Variants in BEAN1 observed in about 807,000 individuals in gnomAD.
The protein encoded by BEAN1 is brain expressed associated with NEDD4 1.
A neutral mutation model predicts 17.7 loss-of-function variants in BEAN1; 17 were observed. That is an observed-to-expected ratio of 0.96 (90% CI 0.66 to 1.44). The LOEUF (loss-of-function observed/expected upper bound fraction) is 1.44, where lower values mean the gene tolerates loss of function less well. BEAN1 is among the 40% of genes most tolerant of loss of function. The pLI is 0.00. For synonymous variants in BEAN1, 142 were observed against 151.8 expected, an observed-to-expected ratio of 0.94 and a Z score of 0.47; for missense variants, 359 against 374.1, an observed-to-expected ratio of 0.96 and a Z score of 0.33.
At chr16:66,484,260 T>C (rs1019426465), downstream of BEAN1, 2 of 293,966 alleles carry the variant, frequency 6.8e-6, no homozygotes, top group Non-Finnish European at 1.3e-5. The surrounding 1 kb of genome is among the most constrained non-coding windows in gnomAD (Gnocchi z 4.2). Context: ...CTCCACCTCC[T>C]GGGAATGAAT....
rs189988200 is a variant in BEAN1, at chr16:66,491,182, A to C, written c.148-1780A>C. On this transcript the variant is annotated intron_variant, in intron 4 of 4. Coordinates refer to the BEAN1 transcript ENST00000561796. ...GCAAGCAGCCCTCACCCACAGGGCCAGGTGGCTCCTGGGCAGGAGGGCCCC... is the reference window on the plus strand; with the variant it reads ...GCAAGCAGCCCTCACCCACAGGGCCCGGTGGCTCCTGGGCAGGAGGGCCCC... 2.6e-5 allele frequency among the ~76,000 whole-genome samples: 4 copies of C among 152,310 alleles called. No homozygotes were observed. In the East Asian group the frequency reaches 7.7e-4, roughly 29 times the overall value.
chr16:66,444,406 G>T (rs1338121989), intron 2 of BEAN1, among the ~76,000 whole-genome samples: 1 of 152,190 alleles, frequency 6.6e-6, no homozygotes, highest in Non-Finnish European at 1.5e-5. Flanking sequence ...CTTTGAGGCT[G>T]CAGGTGGAGC....
intron 3 of BEAN1, among the ~76,000 whole-genome samples, chr16:66,476,980 T>C (rs1963774199): frequency 6.6e-6 from 1 of 152,140 alleles, no homozygotes; most frequent in African/African-American, 2.4e-5. Flanking sequence ...GTGGGAGGGC[T>C]GATCCCAGAG....
rs539097074 is a variant in BEAN1, at chr16:66,434,687, G to A, written c.-82-2908G>A. 7.9e-5 allele frequency among the ~76,000 whole-genome samples: 12 copies of A among 152,182 alleles called. No homozygotes were observed. The highest frequency in any genetic ancestry group is 1.5e-4 in the Non-Finnish European group (10 of 68,004). On this transcript the variant is annotated intron_variant, in intron 1 of 4. Transcript: ENST00000536005. This position sits in a 1 kb window ranked among gnomAD's most constrained non-coding sequence, Gnocchi z 4.3. ...GCAGGAGGCAGGGAGTGGCAGCCCG[G>A]GTTACTGTTGGCATCGTGGTCACCA...
chr16:66,463,946 G>C (rs898745700), intron 2 of BEAN1, among the ~76,000 whole-genome samples: 4 of 152,074 alleles, frequency 2.6e-5, no homozygotes, highest in African/African-American at 9.7e-5. Context: ...TAAATATGAG[G>C]GTCTGTTTCT....
At chr16:66,455,501 A>G (rs1387904125) in intron 2 of BEAN1, among the ~76,000 whole-genome samples, 1 of 152,106 alleles carries the variant, frequency 6.6e-6, no homozygotes, top group Admixed American at 6.5e-5. Context: ...CTGGAGGCCA[A>G]AGCAAAACAG....
At chr16:66,486,867 G>C (rs961923764), downstream of BEAN1, among the ~76,000 whole-genome samples, 3 of 152,194 alleles carry the variant, frequency 2.0e-5, no homozygotes, top group African/African-American at 7.2e-5. Context: ...GGCAGGTGCT[G>C]GGGCAGGGTC....
chr16:66,442,470 G>C (rs971636268), intron 2 of BEAN1, among the ~76,000 whole-genome samples: 3 of 152,192 alleles, frequency 2.0e-5, no homozygotes, highest in Non-Finnish European at 4.4e-5. Flanking sequence ...GTGGGAGGTA[G>C]CATCTGATCA....
intron 2 of BEAN1, among the ~76,000 whole-genome samples, chr16:66,455,688 CTT>C (rs35075494): frequency 0.027 from 3,941 of 143,630 alleles, 158 homozygotes; most frequent in African/African-American, 0.09. Context: ...AATAAAGCTA[CTT>C]TTTTTTTTTT....
chr16:66,468,515 A>G (rs558107138), intron 2 of BEAN1, among the ~76,000 whole-genome samples: 225 of 152,336 alleles, frequency 1.5e-3, no homozygotes, highest in African/African-American at 5.1e-3. Context: ...CACTGAGAGC[A>G]GGAGAGGCAC....
chr16:66,488,954 C>T (rs573006622), intron 4 of BEAN1, among the ~76,000 whole-genome samples: 1 of 151,690 alleles, frequency 6.6e-6, no homozygotes, highest in African/African-American at 2.4e-5. Flanking sequence ...GGTGGATTGC[C>T]TGAGGTCAGG....
chr16:66,456,783 T>C (rs761608063), intron 2 of BEAN1, among the ~76,000 whole-genome samples: 1 of 152,256 alleles, frequency 6.6e-6, no homozygotes, highest in Non-Finnish European at 1.5e-5. Context: ...TAGTGAATGA[T>C]GACAAGGTGG....
At chr16:66,446,592 A>G (rs995263371) in intron 2 of BEAN1, among the ~76,000 whole-genome samples, 2 of 152,128 alleles carry the variant, frequency 1.3e-5, no homozygotes, top group Non-Finnish European at 2.9e-5. Flanking sequence ...CAGTGTGTGA[A>G]TGCCGCTCAG....
chr16:66,492,794 C>T (rs1054555390), intron 4 of BEAN1, among the ~76,000 whole-genome samples: 1 of 152,070 alleles, frequency 6.6e-6, no homozygotes, highest in African/African-American at 2.4e-5. Flanking sequence ...CTCAGTGTAC[C>T]CCTGATCATG....
chr16:66,493,578 G>A (rs1011857912), downstream of BEAN1: 18 of 567,698 alleles, frequency 3.2e-5, no homozygotes, highest in Non-Finnish European at 5.3e-5. Flanking sequence ...CAACTCCCAG[G>A]CCCAGCCCTG....
intron 1 of BEAN1, 61 bp from the exon 2 acceptor site, chr16:66,437,534 C>T: frequency 1.0e-6 from 1 of 986,270 alleles, no homozygotes; most frequent in South Asian, 1.6e-5. Flanking sequence ...GAGCGCCCAG[C>T]CTGCAGGGGC....
rs367692441 is a variant in BEAN1 at position 66,488,484 on chromosome 16, C to T, written c.148-4478C>T. On this transcript the variant is annotated intron_variant, in intron 4 of 4. Transcript: ENST00000561796. ...TAGCTTGAGCTCAGGAGTTGGAAACCAGCCTGGGCAACATAGTGAGACCTT... is the reference window on the plus strand; with the variant it reads ...TAGCTTGAGCTCAGGAGTTGGAAACTAGCCTGGGCAACATAGTGAGACCTT... Among the ~76,000 whole-genome samples the T allele has an allele frequency of 8.0e-4, 114 of 141,808 alleles. 1 individual carries two copies. In the South Asian group the frequency reaches 0.024, roughly 30 times the overall value. 93.0% of individuals were successfully genotyped at this position (141,808 alleles called of 152,430 possible).
chr16:66,429,235 A>C lies in BEAN1; in HGVS notation c.-83+1804A>C, dbSNP rs1475292094. On this transcript the variant is annotated intron_variant, in intron 1 of 4. Transcript: ENST00000536005. ...AGGGGTCCCAGCCTTGATTCTTCGC[A>C]GACTATGATGTATTCGTCCAGGCAA... Among the ~76,000 whole-genome samples the C allele has an allele frequency of 2.0e-5, 3 of 152,334 alleles. No individual in the cohort carries two copies. The East Asian group carries it at 5.8e-4, about 29-fold the overall frequency.
chr16:66,442,163 G>A (rs1466112500), intron 2 of BEAN1, among the ~76,000 whole-genome samples: 1 of 152,220 alleles, frequency 6.6e-6, no homozygotes, highest in Non-Finnish European at 1.5e-5. Flanking sequence ...CAGAGGACCT[G>A]CCTCAAGCCT....
Sources: gnomAD v4.1 joint callset for allele counts (sites outside exome capture counted in the v4.1 genomes callset) on GRCh38, gnomAD v4.1.1 for gene constraint, Gnocchi (gnomAD v3.1) non-coding constraint, MANE v1.5 for transcripts, NCBI Gene and HGNC (gene_info 2026-07-23, HGNC 2026-07-21) for gene names.